IMPG1: variants seen among roughly 807,000 people sequenced by gnomAD.
The protein encoded by IMPG1 is interphotoreceptor matrix proteoglycan of 150 kDa.
Under a neutral mutation model 92.0 loss-of-function variants are expected in IMPG1, and 85 were observed. The observed-to-expected ratio is 0.92, with a 90% CI of 0.78 to 1.11. The LOEUF (loss-of-function observed/expected upper bound fraction) is 1.11. Among genes scored for constraint, IMPG1 ranks in the 50% least tolerant of loss-of-function variants. The pLI, the probability that IMPG1 is intolerant of heterozygous loss-of-function variation, is 0.00. For missense variants in IMPG1, 1,022 were observed against 956.0 expected (o/e 1.07, Z -0.91); for synonymous variants, 367 against 334.1 (o/e 1.10, Z -1.08).
intron 7 of IMPG1, among the ~76,000 whole-genome samples, chr6:76,014,189 G>A (rs1034876233): frequency 6.6e-6 from 1 of 152,218 alleles, no homozygotes; most frequent in African/African-American, 2.4e-5. Flanking sequence ...TGGGCAGTTA[G>A]TGATTTGTAT....
intron 12 of IMPG1, among the ~76,000 whole-genome samples, chr6:75,995,506 C>T (rs1782882769): frequency 1.3e-5 from 2 of 152,176 alleles, no homozygotes; most frequent in South Asian, 2.1e-4. Context: ...AAATACCCTT[C>T]ACCACCCCTC....
At chr6:75,939,917 G>T (rs930174147) in intron 14 of IMPG1, among the ~76,000 whole-genome samples, 9 of 152,212 alleles carry the variant, frequency 5.9e-5, no homozygotes, top group African/African-American at 2.2e-4. Flanking sequence ...CCTCACTGAA[G>T]TCTGGCCTCT....
chr6:75,996,213 G>A (rs577720183), intron 12 of IMPG1, among the ~76,000 whole-genome samples: 85 of 152,270 alleles, frequency 5.6e-4, no homozygotes, highest in African/African-American at 2.0e-3. Flanking sequence ...GTGGCATATG[G>A]GGCAAAGCCA....
chr6:75,929,689 T>TA (rs1781631105), intron 15 of IMPG1, among the ~76,000 whole-genome samples: 3 of 150,338 alleles, frequency 2.0e-5, no homozygotes, highest in Non-Finnish European at 3.0e-5. Flanking sequence ...CCCTAAAACT[T>TA]AAAGTATAAT....
intron 1 of IMPG1, among the ~76,000 whole-genome samples, chr6:76,060,863 G>A (rs1784193759): frequency 1.3e-5 from 2 of 152,118 alleles, no homozygotes. Flanking sequence ...AGGACTTTTA[G>A]TATGGTCATT....
intron 1 of IMPG1, among the ~76,000 whole-genome samples, chr6:76,060,928 C>T (rs1267238839): frequency 6.6e-6 from 1 of 152,096 alleles, no homozygotes; most frequent in Non-Finnish European, 1.5e-5. Context: ...GAAAAATAAA[C>T]TTTCTTGCTT....
At chr6:76,048,446 C>G (rs1783981803) in intron 1 of IMPG1, among the ~76,000 whole-genome samples, 1 of 152,184 alleles carries the variant, frequency 6.6e-6, no homozygotes, top group Non-Finnish European at 1.5e-5. Context: ...CATCTGCTCA[C>G]TGATCACTGG....
intron 12 of IMPG1, among the ~76,000 whole-genome samples, chr6:75,990,301 C>T (rs765134176): frequency 3.0e-4 from 46 of 152,274 alleles, no homozygotes; most frequent in Non-Finnish European, 5.1e-4. Context: ...ATACAGAGAA[C>T]GGGCCAACTA....
chr6:76,038,712 GC>G (rs1299434141), intron 2 of IMPG1, among the ~76,000 whole-genome samples: 5 of 152,200 alleles, frequency 3.3e-5, no homozygotes, highest in African/African-American at 1.2e-4. Flanking sequence ...GAGAAATCCA[GC>G]ACCTTGGCCT....
At chr6:75,989,551 T>C (rs186760871) in intron 12 of IMPG1, among the ~76,000 whole-genome samples, 14 of 152,196 alleles carry the variant, frequency 9.2e-5, no homozygotes, top group African/African-American at 2.7e-4. Context: ...TCTAAGCATA[T>C]GCACATCTTG....
chr6:76,024,013 A>G, intron 5 of IMPG1, among the ~76,000 whole-genome samples: 1 of 152,138 alleles, frequency 6.6e-6, no homozygotes, highest in East Asian at 1.9e-4. Flanking sequence ...TAGGTGTCAC[A>G]GGTCAAATTT....
intron 12 of IMPG1, among the ~76,000 whole-genome samples, chr6:75,981,148 C>T (rs58285290): frequency 0.013 from 2,017 of 152,326 alleles, 52 homozygotes; most frequent in African/African-American, 0.046. Context: ...CTCTTACATC[C>T]TAATGATCCA....
At chr6:76,063,789 T>C (rs921434945) in intron 1 of IMPG1, among the ~76,000 whole-genome samples, 23 of 152,190 alleles carry the variant, frequency 1.5e-4, no homozygotes, top group Non-Finnish European at 1.5e-5. Context: ...GCTGCAGTAT[T>C]CCTCTTGTTC....
intron 1 of IMPG1, among the ~76,000 whole-genome samples, chr6:76,051,215 T>A (rs780027451): frequency 7.2e-5 from 11 of 152,238 alleles, no homozygotes; most frequent in Admixed American, 2.0e-4. Context: ...AGATTCATTA[T>A]GCCCTGGTCC....
chr6:76,071,358 A>G (rs375516625), intron 1 of IMPG1, among the ~76,000 whole-genome samples: 1 of 150,660 alleles, frequency 6.6e-6, no homozygotes, highest in Non-Finnish European at 1.5e-5. Context: ...TTCAGAATAT[A>G]CCAAAATCTC....
chr6:75,941,964 C>CT (rs924154779), intron 14 of IMPG1, among the ~76,000 whole-genome samples: 2 of 152,052 alleles, frequency 1.3e-5, no homozygotes, highest in African/African-American at 4.8e-5. Flanking sequence ...TTTCTGGAGG[C>CT]TGGGGGGACA....
intron 1 of IMPG1, among the ~76,000 whole-genome samples, chr6:76,054,353 A>G (rs539662418): frequency 2.0e-5 from 3 of 152,224 alleles, no homozygotes; most frequent in African/African-American, 7.2e-5. Context: ...TATAGGACCA[A>G]GTCAAATTTA....
chr6:75,987,737 C>T (rs760669271), intron 12 of IMPG1, among the ~76,000 whole-genome samples: 18 of 151,914 alleles, frequency 1.2e-4, no homozygotes, highest in Non-Finnish European at 2.4e-4. Flanking sequence ...CTCCGCCTCC[C>T]GGGTTCACGC....
chr6:75,939,749 C>T (rs551047486), intron 14 of IMPG1, among the ~76,000 whole-genome samples: 4 of 152,154 alleles, frequency 2.6e-5, no homozygotes, highest in Admixed American at 6.5e-5. Context: ...AGGTCCTGGG[C>T]GCCATCCCTT....
Sources: allele counts gnomAD v4.1 joint callset (sites outside exome capture counted in the v4.1 genomes callset), GRCh38; gene constraint gnomAD v4.1.1; transcripts MANE v1.5; gene names NCBI Gene and HGNC (gene_info 2026-07-23, HGNC 2026-07-21).